EPHA7: variants seen among roughly 807,000 people sequenced by gnomAD.
EPHA7 encodes EPH receptor A7.
EPHA7 carries 25 observed loss-of-function variants against 112.6 expected under a neutral mutation model. The observed-to-expected ratio is 0.22, with a 90% CI of 0.16 to 0.31. The LOEUF (loss-of-function observed/expected upper bound fraction) is 0.31. Among genes scored for constraint, EPHA7 ranks in the 10% least tolerant of loss-of-function variants. EPHA7 has a pLI of 1.00. For missense variants in EPHA7, 962 were observed against 1,212.6 expected (o/e 0.79, Z 3.07); for synonymous variants, 437 against 406.5 (o/e 1.07, Z -0.90).
intron 5 of EPHA7, among the ~76,000 whole-genome samples, chr6:93,331,240 G>C (rs1774577086): frequency 6.6e-6 from 1 of 151,290 alleles, no homozygotes. Flanking sequence ...AAACAGAGAT[G>C]GCCTAAACAA....
intron 5 of EPHA7, among the ~76,000 whole-genome samples, chr6:93,341,063 C>T (rs539224742): frequency 3.9e-5 from 6 of 152,048 alleles, no homozygotes; most frequent in African/African-American, 1.4e-4. Context: ...TTCCAAAATT[C>T]TTGCTGGGTA....
chr6:93,257,868 C>T (rs1770508854), intron 11 of EPHA7, among the ~76,000 whole-genome samples: 2 of 151,906 alleles, frequency 1.3e-5, no homozygotes, highest in Admixed American at 1.3e-4. Flanking sequence ...ATCAGTCATT[C>T]CATCTATCAG....
chr6:93,255,207 G>T (rs753203113), intron 13 of EPHA7, among the ~76,000 whole-genome samples: 1 of 151,790 alleles, frequency 6.6e-6, no homozygotes, highest in Admixed American at 6.6e-5. Context: ...AATTATCCGT[G>T]CGTGGTGGTG....
intron 5 of EPHA7, among the ~76,000 whole-genome samples, chr6:93,331,954 T>C (rs986445671): frequency 6.6e-6 from 1 of 151,596 alleles, no homozygotes; most frequent in African/African-American, 2.4e-5. Context: ...TTCAGTTCAA[T>C]AGAAATAATA....
chr6:93,252,933 T>G (rs1770277781), intron 14 of EPHA7, among the ~76,000 whole-genome samples: 1 of 152,080 alleles, frequency 6.6e-6, no homozygotes, highest in Non-Finnish European at 1.5e-5. Flanking sequence ...ATGTTCATTT[T>G]TAAGAAAAAC....
At chr6:93,274,857 C>T (rs975173433) in intron 5 of EPHA7, among the ~76,000 whole-genome samples, 1 of 151,840 alleles carries the variant, frequency 6.6e-6, no homozygotes, top group South Asian at 2.1e-4. Flanking sequence ...ACAGGATATA[C>T]AGCTTATAAA....
chr6:93,355,935 C>T (rs2127943630), intron 5 of EPHA7, among the ~76,000 whole-genome samples: 1 of 152,180 alleles, frequency 6.6e-6, no homozygotes, highest in South Asian at 2.1e-4. Flanking sequence ...TTAAAATTCC[C>T]TCATGCATAT....
intron 5 of EPHA7, among the ~76,000 whole-genome samples, chr6:93,303,889 G>T (rs1210627918): frequency 6.6e-6 from 1 of 152,006 alleles, no homozygotes; most frequent in East Asian, 1.9e-4. Flanking sequence ...TTCTTTGATT[G>T]AATTGTCAGG....
At chr6:93,330,075 T>A (rs1477590169) in intron 5 of EPHA7, among the ~76,000 whole-genome samples, 1 of 151,330 alleles carries the variant, frequency 6.6e-6, no homozygotes, top group Non-Finnish European at 1.5e-5. Context: ...ATAATTCTTG[T>A]TATACAATGT....
At chr6:93,275,970 C>A (rs1307936512) in intron 5 of EPHA7, among the ~76,000 whole-genome samples, 1 of 151,908 alleles carries the variant, frequency 6.6e-6, no homozygotes, top group African/African-American at 2.4e-5. Flanking sequence ...CCCTCTACCC[C>A]CTGCCAACAG....
chr6:93,276,051 G>T (rs1771454054), intron 5 of EPHA7, among the ~76,000 whole-genome samples: 1 of 152,008 alleles, frequency 6.6e-6, no homozygotes, highest in African/African-American at 2.4e-5. Context: ...TTAAAGCACA[G>T]CAAAGTAGGC....
At chr6:93,403,276 A>G (rs1582676062) in intron 3 of EPHA7, among the ~76,000 whole-genome samples, 1 of 152,144 alleles carries the variant, frequency 6.6e-6, no homozygotes, top group South Asian at 2.1e-4. Flanking sequence ...ATAGTTTATG[A>G]GTAATTCTTT....
At chr6:93,331,686 C>T (rs1308253293) in intron 5 of EPHA7, among the ~76,000 whole-genome samples, 1 of 151,552 alleles carries the variant, frequency 6.6e-6, no homozygotes, top group Non-Finnish European at 1.5e-5. Context: ...GGCAATGTTG[C>T]TTTCTCATCC....
At chr6:93,409,620 A>G (rs1778877786) in intron 3 of EPHA7, 1 of 151,894 alleles carries the variant, frequency 6.6e-6, no homozygotes, top group Non-Finnish European at 1.5e-5. Flanking sequence ...TTTTTAATGT[A>G]TTATGTTTTA....
chr6:93,250,873 G>A (rs539960566), intron 14 of EPHA7, among the ~76,000 whole-genome samples: 235 of 152,052 alleles, frequency 1.5e-3, no homozygotes, highest in Non-Finnish European at 2.8e-3. Flanking sequence ...AAGATCTCTG[G>A]GACACAACAG....
In EPHA7 at chr6:93,311,114, A is replaced by ATTTTTTTTTTTTTTTT. The variant is rs71542009; in HGVS notation, c.1325-38708_1325-38693dup. Among the ~76,000 whole-genome samples the ATTTTTTTTTTTTTTTT allele has an allele frequency of 2.7e-4, 21 of 78,510 alleles. 2 individuals are homozygous for ATTTTTTTTTTTTTTTT. The highest frequency in any genetic ancestry group is 9.4e-4 in the African/African-American group (16 of 17,022). The allele number at this position is 78,510 out of a possible 152,430, so 51.5% of individuals were successfully genotyped here. ...ACAGGCATGTGCATCATGCCCAGCT[A>ATTTTTTTTTTTTTTTT]TTTTTTTTTTTTTTTTTTTTTTTTT... On this transcript the variant is annotated intron_variant, in intron 5 of 16. Transcript: ENST00000369303.
chr6:93,416,732 G>A (rs1241032553), intron 1 of EPHA7, among the ~76,000 whole-genome samples: 1 of 152,180 alleles, frequency 6.6e-6, no homozygotes, highest in East Asian at 1.9e-4. Context: ...CGGACGCTGG[G>A]GGCCAGGCCT....
At chr6:93,394,381 T>C (rs1778062291) in intron 3 of EPHA7, among the ~76,000 whole-genome samples, 2 of 151,646 alleles carry the variant, frequency 1.3e-5, no homozygotes, top group South Asian at 4.2e-4. Flanking sequence ...GAAGTTACTA[T>C]CAACACAGAT....
chr6:93,416,661 C>T (rs998818204), intron 1 of EPHA7, among the ~76,000 whole-genome samples: 3 of 152,236 alleles, frequency 2.0e-5, no homozygotes, highest in African/African-American at 4.8e-5. Context: ...TATCCCTTCC[C>T]GCTCGGAGCA....
Sources: gnomAD v4.1 joint callset for allele counts (sites outside exome capture counted in the v4.1 genomes callset) on GRCh38, gnomAD v4.1.1 for gene constraint, MANE v1.5 for transcripts, NCBI Gene and HGNC (gene_info 2026-07-23, HGNC 2026-07-21) for gene names.